Variants in LMBR1 observed in about 807,000 individuals in gnomAD.
LMBR1 encodes the protein limb development membrane protein 1, also known as limb region 1 protein homolog.
In LMBR1, 52 loss-of-function variants were observed where a neutral mutation model predicts 73.9. The observed-to-expected ratio is 0.70, with a 90% CI of 0.56 to 0.89. The LOEUF (loss-of-function observed/expected upper bound fraction) is 0.89, where lower values mean the gene tolerates loss of function less well. LMBR1 is among the 40% of genes least tolerant of loss of function. The pLI is 0.00. For synonymous variants in LMBR1, 215 were observed against 209.4 expected, an observed-to-expected ratio of 1.03 and a Z score of -0.23; for missense variants, 539 against 579.8, an observed-to-expected ratio of 0.93 and a Z score of 0.72.
At chr7:156,783,640 T>C (rs747152511) in intron 5 of LMBR1, among the ~76,000 whole-genome samples, 5 of 152,242 alleles carry the variant, frequency 3.3e-5, no homozygotes, top group Admixed American at 2.6e-4. Context: ...TATTAATCCT[T>C]GTACCCAGCA....
intron 1 of LMBR1, among the ~76,000 whole-genome samples, chr7:156,841,211 G>A (rs1471041577): frequency 6.6e-6 from 1 of 152,056 alleles, no homozygotes; most frequent in East Asian, 1.9e-4. Flanking sequence ...CAGGACTCAG[G>A]AAAGATTAGA....
chr7:156,763,600 T>C, intron 6 of LMBR1, 69 bp downstream of exon 6: 2 of 1,322,284 alleles, frequency 1.5e-6, no homozygotes, highest in Non-Finnish European at 2.1e-6. Flanking sequence ...TTTTTAAAAT[T>C]GAGTGTGTAA....
intron 15 of LMBR1, among the ~76,000 whole-genome samples, chr7:156,702,815 A>G (rs1468052321): frequency 6.6e-6 from 1 of 152,260 alleles, no homozygotes; most frequent in Non-Finnish European, 1.5e-5. Context: ...ATGAATATCT[A>G]TAGAGAAGCT....
At chr7:156,718,817 T>C (rs1480774045) in intron 15 of LMBR1, among the ~76,000 whole-genome samples, 1 of 152,076 alleles carries the variant, frequency 6.6e-6, no homozygotes, top group East Asian at 1.9e-4. Context: ...CGATCATTTG[T>C]CTAGTTTTAA....
At position 156,892,701 on chromosome 7, in the gene LMBR1, G is replaced by C. The variant is rs550147332; in HGVS notation, c.66+227C>G. On this transcript the variant is annotated intron_variant, in intron 1 of 16. Coordinates refer to ENST00000353442, the MANE Select transcript of LMBR1 (RefSeq NM_022458.4). Reference sequence around the variant, plus strand: ...GGCAGGGGAGGCAAGAGCGGAGCGGGGGGGCAGGCAGAGGAAGCGAAGGGG... The same window carrying C: ...GGCAGGGGAGGCAAGAGCGGAGCGGCGGGGCAGGCAGAGGAAGCGAAGGGG... 108,695 of 351,400 alleles carry C rather than the reference G, an allele frequency of 0.31. 18,784 individuals are homozygous for C. Among genetic ancestry groups the C allele is most frequent in the East Asian group, 0.52 (10,441 of 20,090 alleles). The allele number at this position is 351,400 out of a possible 1,614,324, so 21.8% of individuals were successfully genotyped here.
rs1222082255 is a variant in LMBR1 at position 156,669,333 on chromosome 7, A to G, written n.867-46T>C. 1 of 152,246 alleles carries G rather than the reference A, an allele frequency of 6.6e-6. No homozygotes were observed. The highest frequency in any genetic ancestry group is 2.4e-5 in the African/African-American group (1 of 41,438). The allele number at this position is 152,246 out of a possible 1,614,324, so 9.4% of individuals were successfully genotyped here. A position where few individuals can be genotyped will look rare whatever the true frequency, so the allele number is the denominator to read the frequency against. ...AAATATTTTGTTACAATTTTCAAGA[A>G]TAAGTGCCAGGAAGAAAAATGCAAA... On this transcript the variant is annotated intron_variant and non_coding_transcript_variant, in intron 4 of 4. Coordinates refer to the LMBR1 transcript ENST00000430825. The surrounding 1 kb of genome is among the most constrained non-coding windows in gnomAD (Gnocchi z 4.2).
At chr7:156,778,014 A>G (rs1826460881) in intron 5 of LMBR1, among the ~76,000 whole-genome samples, 1 of 152,138 alleles carries the variant, frequency 6.6e-6, no homozygotes. Context: ...TCCTACTGCC[A>G]CCATACCCAT....
At chr7:156,701,321 TA>T (rs1159771774) in intron 15 of LMBR1, among the ~76,000 whole-genome samples, 1 of 152,174 alleles carries the variant, frequency 6.6e-6, no homozygotes, top group Non-Finnish European at 1.5e-5. Context: ...GGTGAACAGA[TA>T]AACAAATTGT....
intron 1 of LMBR1, among the ~76,000 whole-genome samples, chr7:156,877,240 C>T (rs1800310558): frequency 6.6e-6 from 1 of 150,984 alleles, no homozygotes; most frequent in African/African-American, 2.4e-5. Flanking sequence ...CAGTAACAAG[C>T]AGCAAGATTA....
At chr7:156,852,199 T>A (rs1028988976) in intron 1 of LMBR1, among the ~76,000 whole-genome samples, 1 of 151,972 alleles carries the variant, frequency 6.6e-6, no homozygotes, top group Non-Finnish European at 1.5e-5. Context: ...CCAGAGGAAA[T>A]GGGAAAAACA....
chr7:156,843,835 C>CAAAAA (rs11288663), intron 1 of LMBR1, among the ~76,000 whole-genome samples: 1 of 120,916 alleles, frequency 8.3e-6, no homozygotes. Context: ...GACCCTGTCT[C>CAAAAA]AAAAAAAAAA....
rs143905700 is a variant in LMBR1, at chr7:156,874,773, G to A, written c.66+18155C>T. 5.3e-3 allele frequency among the ~76,000 whole-genome samples: 805 copies of A among 152,286 alleles called. 5 individuals carry two copies. The highest frequency in any genetic ancestry group is 0.018 in the African/African-American group (740 of 41,572). On this transcript the variant is annotated intron_variant, in intron 1 of 16. Coordinates refer to ENST00000353442, the MANE Select transcript of LMBR1 (RefSeq NM_022458.4). The stretch of plus-strand genomic sequence containing the variant: ...GAGTACTACATCTGTGGAACACCCC[G>A]GGAGACAAAAGAATCTGTACAGCAG...
intron 5 of LMBR1, among the ~76,000 whole-genome samples, chr7:156,789,135 A>G (rs1828731763): frequency 6.6e-6 from 1 of 152,230 alleles, no homozygotes; most frequent in African/African-American, 2.4e-5. Flanking sequence ...AATGTTTTCC[A>G]TAAAACTGAT....
chr7:156,823,806 T>A (rs1232724883), intron 4 of LMBR1: 1 of 152,172 alleles, frequency 6.6e-6, no homozygotes, highest in Non-Finnish European at 1.5e-5. Flanking sequence ...AATACACACA[T>A]GCAGCCGGGC....
At chr7:156,826,479 G>T in intron 4 of LMBR1, 126 bp downstream of exon 4, 1 of 550,478 alleles carries the variant, frequency 1.8e-6, no homozygotes, top group Non-Finnish European at 3.0e-6. Context: ...CATTATTAAA[G>T]ACCCAAATCG....
At chr7:156,824,989 C>T (rs1430850991) in intron 4 of LMBR1, among the ~76,000 whole-genome samples, 3 of 152,100 alleles carry the variant, frequency 2.0e-5, no homozygotes, top group South Asian at 2.1e-4. Context: ...TTAGCTGTAA[C>T]GCTACCACAC....
At chr7:156,844,903 A>G (rs1325772798) in intron 1 of LMBR1, among the ~76,000 whole-genome samples, 1 of 152,220 alleles carries the variant, frequency 6.6e-6, no homozygotes, top group East Asian at 1.9e-4. Flanking sequence ...TTTAATATAC[A>G]TTGTTAAAAA....
intron 15 of LMBR1, among the ~76,000 whole-genome samples, chr7:156,712,356 AAAC>A (rs1253206483): frequency 2.0e-5 from 3 of 152,226 alleles, no homozygotes; most frequent in Non-Finnish European, 4.4e-5. Flanking sequence ...AAGTAAAAAA[AAAC>A]AACAAATGTT....
intron 15 of LMBR1, among the ~76,000 whole-genome samples, chr7:156,723,068 T>C (rs560665328): frequency 6.6e-6 from 1 of 152,266 alleles, no homozygotes; most frequent in Non-Finnish European, 1.5e-5. Flanking sequence ...TTACAAGTCC[T>C]ATAAAGCAAA....
Sources: allele counts gnomAD v4.1 joint callset (sites outside exome capture counted in the v4.1 genomes callset), GRCh38; gene constraint gnomAD v4.1.1; non-coding constraint Gnocchi (gnomAD v3.1); transcripts MANE v1.5; gene names NCBI Gene and HGNC (gene_info 2026-07-23, HGNC 2026-07-21).